The following DPY19L2 variants were observed in gnomAD, a reference collection of about 807,000 sequenced individuals.
DPY19L2 encodes the protein probable C-mannosyltransferase DPY19L2.
Under a neutral mutation model 97.9 loss-of-function variants are expected in DPY19L2, and 34 were observed. The observed-to-expected ratio is 0.35, with a 90% CI of 0.26 to 0.46. The LOEUF is 0.46. DPY19L2 is among the 20% of genes least tolerant of loss of function. The pLI is 1.00. For missense variants in DPY19L2, 623 were observed against 911.4 expected (o/e 0.68, Z 4.07); for synonymous variants, 230 against 307.9 (o/e 0.75, Z 2.65).
intron 6 of DPY19L2, among the ~76,000 whole-genome samples, chr12:63,640,423 G>A (rs1442633326): frequency 6.6e-6 from 1 of 152,080 alleles, no homozygotes; most frequent in Non-Finnish European, 1.5e-5. Context: ...TTGGAAGAAG[G>A]GGAAAGATAT....
intron 14 of DPY19L2, among the ~76,000 whole-genome samples, chr12:63,596,416 A>G (rs887495622): frequency 1.3e-5 from 2 of 152,168 alleles, no homozygotes; most frequent in African/African-American, 4.8e-5. Flanking sequence ...TAGTGAAACT[A>G]GAGCTAACAA....
intron 19 of DPY19L2, among the ~76,000 whole-genome samples, chr12:63,574,193 G>A (rs1879403171): frequency 6.6e-6 from 1 of 151,926 alleles, no homozygotes; most frequent in Admixed American, 6.6e-5. Flanking sequence ...TTAAAGTTTA[G>A]AATTTTTATT....
Position 63,583,777 on chromosome 12 carries a change from C to T in DPY19L2, c.1605+35G>A, listed in dbSNP as rs752923764. On this transcript the variant is annotated intron_variant, in intron 17 of 21. Coordinates refer to ENST00000324472, the MANE Select transcript of DPY19L2 (RefSeq NM_173812.5). ...ATTATCCTCAAACTACAATTTAATA[C>T]ACAAGTCTACCAGAGATTAAAATGA... is the stretch of plus-strand genomic sequence containing the variant. The T allele has an allele frequency of 1.1e-5, 17 of 1,604,866 alleles. No individual in the cohort carries two copies. The South Asian group carries it at 1.9e-4, about 18-fold the overall frequency.
chr12:63,575,222 A>G (rs111879031), intron 19 of DPY19L2, among the ~76,000 whole-genome samples: 2,823 of 152,120 alleles, frequency 0.019, 78 homozygotes, highest in African/African-American at 0.064. Context: ...AATGACTGGT[A>G]GGTTAATAAA....
chr12:63,600,018 A>C (rs1253138634), intron 13 of DPY19L2, among the ~76,000 whole-genome samples: 1 of 152,180 alleles, frequency 6.6e-6, no homozygotes, highest in Admixed American at 6.5e-5. Flanking sequence ...TAAACAACTA[A>C]TTATTTGTAT....
chr12:63,599,127 T>C (rs1274122017), intron 13 of DPY19L2, among the ~76,000 whole-genome samples: 1 of 150,002 alleles, frequency 6.7e-6, no homozygotes, highest in African/African-American at 2.4e-5. Context: ...GACCCGAAAT[T>C]GGCCACTGCA....
intron 6 of DPY19L2, among the ~76,000 whole-genome samples, chr12:63,635,743 A>T (rs1160204332): frequency 6.6e-6 from 1 of 152,130 alleles, no homozygotes; most frequent in East Asian, 1.9e-4. Flanking sequence ...GAGTAAAAAG[A>T]AATAAACAAA....
intron 11 of DPY19L2, among the ~76,000 whole-genome samples, chr12:63,616,482 G>A (rs1311649205): frequency 1.3e-5 from 2 of 152,002 alleles, no homozygotes; most frequent in African/African-American, 4.8e-5. Flanking sequence ...ACCATACATG[G>A]AAAAGTGCTA....
At chr12:63,644,549 A>G in intron 5 of DPY19L2, 53 bp from the exon 6 acceptor site, 3 of 1,581,376 alleles carry the variant, frequency 1.9e-6, no homozygotes, top group Admixed American at 1.9e-5. Flanking sequence ...CTCTAAGGCA[A>G]TTGGGCATAA....
chr12:63,654,359 T>C (rs570467200), intron 4 of DPY19L2, among the ~76,000 whole-genome samples: 1 of 152,172 alleles, frequency 6.6e-6, no homozygotes, highest in South Asian at 2.1e-4. Flanking sequence ...AATCAAAATA[T>C]AACTCTAAAC....
At chr12:63,625,720 T>C (rs1012707849) in intron 7 of DPY19L2, among the ~76,000 whole-genome samples, 1 of 152,118 alleles carries the variant, frequency 6.6e-6, no homozygotes, top group Non-Finnish European at 1.5e-5. Context: ...CAGGTGGCAG[T>C]GTCTTAACTG....
At chr12:63,633,285 G>C (rs1891042783) in intron 6 of DPY19L2, among the ~76,000 whole-genome samples, 1 of 152,098 alleles carries the variant, frequency 6.6e-6, no homozygotes, top group African/African-American at 2.4e-5. Context: ...GCAACCTACA[G>C]AATGGGAGAA....
At chr12:63,658,093 T>G (rs1043160678) in intron 4 of DPY19L2, among the ~76,000 whole-genome samples, 1 of 152,188 alleles carries the variant, frequency 6.6e-6, no homozygotes, top group African/African-American at 2.4e-5. Context: ...TCCAGCTCTC[T>G]TCGTCACCAA....
Position 63,589,600 on chromosome 12 carries a change from A to G in DPY19L2, c.1580+4487T>C, listed in dbSNP as rs868116855. Among the ~76,000 whole-genome samples the G allele has an allele frequency of 1.1e-4, 17 of 152,142 alleles. 1 individual carries two copies. The Middle Eastern group carries it at 0.014, about 122-fold the overall frequency. On this transcript the variant is annotated intron_variant, in intron 16 of 21. Transcript: ENST00000324472. ...AAAATTAACGCAAGAGTAATAAATA[A>G]CCTATATGTAAATAGACACTTATGA...
At chr12:63,584,033 T>A (rs1251954827) in intron 16 of DPY19L2, 197 bp from the exon 17 acceptor site, 6 of 532,014 alleles carry the variant, frequency 1.1e-5, no homozygotes, top group Non-Finnish European at 1.7e-5. Context: ...TTTATAGTCA[T>A]CCTATTCAAG....
intron 13 of DPY19L2, among the ~76,000 whole-genome samples, chr12:63,599,863 C>T (rs1271368281): frequency 6.6e-6 from 1 of 151,860 alleles, no homozygotes; most frequent in Non-Finnish European, 1.5e-5. Flanking sequence ...ACAAGAAAGG[C>T]CTTAAAACAT....
rs549000201 is a variant in DPY19L2 at position 63,641,203 on chromosome 12, C to T, written c.803+3200G>A. On this transcript the variant is annotated intron_variant, in intron 6 of 21. Transcript: ENST00000324472. ...ACAGGAGTGAGCCACTGCTCCCAGC[C>T]CAAAAACAGAACTTTTTTAAAAAAA... Among the ~76,000 whole-genome samples the T allele has an allele frequency of 1.4e-4, 21 of 152,118 alleles. 1 individual carries two copies. In the South Asian group the frequency reaches 4.0e-3, roughly 29 times the overall value.
intron 15 of DPY19L2, among the ~76,000 whole-genome samples, chr12:63,595,209 G>A (rs1323150796): frequency 6.6e-6 from 1 of 152,160 alleles, no homozygotes; most frequent in Non-Finnish European, 1.5e-5. Flanking sequence ...AACACAACTG[G>A]TATGGTGGTA....
intron 5 of DPY19L2, among the ~76,000 whole-genome samples, chr12:63,646,461 T>C (rs1456163000): frequency 6.6e-6 from 1 of 152,226 alleles, no homozygotes; most frequent in Admixed American, 6.5e-5. Context: ...GTAAGGAAAA[T>C]AGATTTAGTT....
Sources: gnomAD v4.1 joint callset for allele counts (sites outside exome capture counted in the v4.1 genomes callset) on GRCh38, gnomAD v4.1.1 for gene constraint, MANE v1.5 for transcripts, NCBI Gene and HGNC (gene_info 2026-07-23, HGNC 2026-07-21) for gene names.